RIC1: variants seen among roughly 807,000 people sequenced by gnomAD.
The protein encoded by RIC1 is RIC1 partner of RAB6A GEF complex.
A neutral mutation model predicts 169.0 loss-of-function variants in RIC1; 88 were observed. The observed-to-expected ratio is 0.52, with a 90% CI of 0.44 to 0.62. The LOEUF (loss-of-function observed/expected upper bound fraction) is 0.62. RIC1 is among the 20% of genes least tolerant of loss of function. RIC1 has a pLI of 0.00. For missense variants in RIC1, 1,877 were observed against 1,725.5 expected, an observed-to-expected ratio of 1.09 and a Z score of -1.56; for synonymous variants, 790 against 601.5, an observed-to-expected ratio of 1.31 and a Z score of -4.59.
chr9:5,716,834 T>A (rs1823277086), intron 4 of RIC1, among the ~76,000 whole-genome samples: 1 of 152,152 alleles, frequency 6.6e-6, no homozygotes, highest in Non-Finnish European at 1.5e-5. Context: ...GACACCAGCT[T>A]TTTTATTTCT....
In RIC1 at chr9:5,757,313, T is replaced by G; in HGVS notation, c.1854T>G (p.Gly618=). 6.2e-7 allele frequency: 1 copy of G among 1,613,908 alleles called. No individual in the cohort carries two copies. Among genetic ancestry groups the G allele is most frequent in the Non-Finnish European group, 8.5e-7 (1 of 1,179,816 alleles). The change falls in exon 17 of 26, where the codon GGT becomes GGG. Residue 618 remains glycine, a splice_region_variant and synonymous_variant. Transcript: ENST00000414202. The stretch of plus-strand genomic sequence containing the variant: ...ATGTGGGTTTCTTTTGTTTTTACAG[T>G]CCAAATACTACTGCTGGTATTCAAG... ...CLYSIERKSD[G]PNTTAGIQVL...
At chr9:5,656,303 C>T (rs1051555938) in intron 1 of RIC1, among the ~76,000 whole-genome samples, 1 of 152,112 alleles carries the variant, frequency 6.6e-6, no homozygotes, top group African/African-American at 2.4e-5. Context: ...CTCCCTTAAA[C>T]GTTTGGTAGA....
chr9:5,676,357 G>C (rs943614916), intron 2 of RIC1, among the ~76,000 whole-genome samples: 1 of 152,154 alleles, frequency 6.6e-6, no homozygotes, highest in Non-Finnish European at 1.5e-5. Flanking sequence ...CGGTGTACTT[G>C]AAGATTAAAT....
intron 11 of RIC1, among the ~76,000 whole-genome samples, chr9:5,746,688 A>G (rs960272980): frequency 5.3e-5 from 8 of 152,320 alleles, no homozygotes; most frequent in African/African-American, 1.9e-4. Flanking sequence ...TCTATCTGAA[A>G]TAGTGTATAC....
chr9:5,745,871 A>G, intron 10 of RIC1, 60 bp from the exon 11 acceptor site: 1 of 1,404,952 alleles, frequency 7.1e-7, no homozygotes, highest in South Asian at 1.2e-5. Flanking sequence ...TTGAAGCTAG[A>G]AAGGGATACA....
Position 5,653,821 on chromosome 9 carries a change from CTT to C in RIC1, c.145-2759_145-2758del, listed in dbSNP as rs1818938775. Among the ~76,000 whole-genome samples, 3 of 152,080 alleles carry C rather than the reference CTT, an allele frequency of 2.0e-5. No individual in the cohort carries two copies. In the South Asian group the frequency reaches 6.2e-4, roughly 32 times the overall value. On this transcript the variant is annotated intron_variant, in intron 1 of 25. Transcript: ENST00000414202. ...CTGTGTTGGCCAGGTTGGTCTCAAA[CTT>C]TTGACCTGGTGATCTGCCTGCCTCA...
intron 21 of RIC1, among the ~76,000 whole-genome samples, chr9:5,768,238 GT>G (rs929454881): frequency 2.0e-5 from 3 of 152,120 alleles, no homozygotes; most frequent in Non-Finnish European, 2.9e-5. Flanking sequence ...TTAAAAATTG[GT>G]TTCAGGACTG....
chr9:5,632,696 T>G (rs888637795), intron 1 of RIC1, among the ~76,000 whole-genome samples: 1 of 152,168 alleles, frequency 6.6e-6, no homozygotes, highest in Admixed American at 6.5e-5. Context: ...AGGACTAGTT[T>G]CAGCTTTGAG....
At chr9:5,768,772 G>A (rs560168257) in intron 21 of RIC1, among the ~76,000 whole-genome samples, 198 bp from the exon 22 acceptor site, 1 of 152,222 alleles carries the variant, frequency 6.6e-6, no homozygotes, top group African/African-American at 2.4e-5. Flanking sequence ...CTACAAATGT[G>A]TCTTAAGAGC....
intron 2 of RIC1, among the ~76,000 whole-genome samples, chr9:5,684,086 C>T (rs374716103): frequency 1.1e-4 from 16 of 152,252 alleles, no homozygotes; most frequent in East Asian, 7.7e-4. Flanking sequence ...TGACCCCTTG[C>T]GCTTCCCAGG....
At chr9:5,691,926 C>G (rs560874893) in intron 3 of RIC1, among the ~76,000 whole-genome samples, 1 of 152,064 alleles carries the variant, frequency 6.6e-6, no homozygotes, top group East Asian at 1.9e-4. Context: ...TTTTGAGACC[C>G]ACTTTTTGTG....
At chr9:5,756,178 T>C in intron 15 of RIC1, 34 bp from the exon 16 acceptor site, 3 of 1,433,600 alleles carry the variant, frequency 2.1e-6, no homozygotes, top group Non-Finnish European at 2.8e-6. Flanking sequence ...AGTTATCTTG[T>C]TTTTATAATT....
At chr9:5,641,579 T>C (rs1228309683) in intron 1 of RIC1, among the ~76,000 whole-genome samples, 1 of 152,098 alleles carries the variant, frequency 6.6e-6, no homozygotes, top group Non-Finnish European at 1.5e-5. Flanking sequence ...TTTCATGCTA[T>C]TTTTTAGGCA....
chr9:5,636,108 G>A (rs994411993), intron 1 of RIC1, among the ~76,000 whole-genome samples: 3 of 152,184 alleles, frequency 2.0e-5, no homozygotes, highest in Non-Finnish European at 4.4e-5. Context: ...TTGAAATTCT[G>A]ATAGAGATTG....
At chr9:5,761,789 T>C (rs1162500878) in intron 17 of RIC1, among the ~76,000 whole-genome samples, 1 of 152,234 alleles carries the variant, frequency 6.6e-6, no homozygotes, top group Non-Finnish European at 1.5e-5. Context: ...AAGTTTAATG[T>C]GCATAATGGT....
chr9:5,662,441 G>C (rs1252068516), intron 2 of RIC1, among the ~76,000 whole-genome samples: 1 of 150,914 alleles, frequency 6.6e-6, no homozygotes, highest in Non-Finnish European at 1.5e-5. Context: ...GTAGAATTCA[G>C]CTGTGAATCT....
intron 12 of RIC1, among the ~76,000 whole-genome samples, chr9:5,752,289 C>G (rs1825767366): frequency 6.6e-6 from 1 of 151,796 alleles, no homozygotes; most frequent in South Asian, 2.1e-4. Flanking sequence ...GTCAAATACC[C>G]CAATAGAAAA....
chr9:5,695,684 T>G (rs564937929), intron 3 of RIC1, among the ~76,000 whole-genome samples: 219 of 151,854 alleles, frequency 1.4e-3, no homozygotes, highest in Middle Eastern at 6.8e-3. Flanking sequence ...GCGATTCTCA[T>G]GTCTCAATCC....
chr9:5,693,909 T>TAA (rs3839888), intron 3 of RIC1, among the ~76,000 whole-genome samples: 3 of 146,668 alleles, frequency 2.0e-5, no homozygotes, highest in East Asian at 2.0e-4. Flanking sequence ...TGAGTTTCTT[T>TAA]AAAAAAAAAA....
Sources: gnomAD v4.1 joint callset for allele counts (sites outside exome capture counted in the v4.1 genomes callset) on GRCh38, gnomAD v4.1.1 for gene constraint, MANE v1.5 for transcripts, NCBI Gene and HGNC (gene_info 2026-07-23, HGNC 2026-07-21) for gene names.